The following ZFYVE26 variants were observed in gnomAD, a reference collection of about 807,000 sequenced individuals.
ZFYVE26 encodes the protein zinc finger FYVE-type containing 26, also known as zinc finger FYVE domain-containing protein 26.
Under a neutral mutation model 276.5 loss-of-function variants are expected in ZFYVE26, and 181 were observed. That is an observed-to-expected ratio of 0.65 (90% CI 0.58 to 0.74). The LOEUF (loss-of-function observed/expected upper bound fraction) is 0.74, where lower values mean the gene tolerates loss of function less well. Among genes scored for constraint, ZFYVE26 ranks in the 30% least tolerant of loss-of-function variants. The pLI, the probability that ZFYVE26 is intolerant of heterozygous loss-of-function variation, is 0.00. For missense variants in ZFYVE26, 2,821 were observed against 3,097.9 expected, an observed-to-expected ratio of 0.91 and a Z score of 2.12; for synonymous variants, 1,129 against 1,203.1, an observed-to-expected ratio of 0.94 and a Z score of 1.27.
intron 16 of ZFYVE26, 63 bp from the exon 17 acceptor site, chr14:67,786,296 ACACT>A (rs1250135054): frequency 8.2e-6 from 12 of 1,465,224 alleles, no homozygotes; most frequent in African/African-American, 5.8e-5. Context: ...TCAGAGATTG[ACACT>A]CAGTCCTGTA....
intron 13 of ZFYVE26, chr14:67,734,044 G>T: frequency 1.9e-6 from 1 of 514,040 alleles, no homozygotes; most frequent in Non-Finnish European, 3.7e-6. Flanking sequence ...CATGAGTTGT[G>T]GACACCTATA....
intron 4 of ZFYVE26, among the ~76,000 whole-genome samples, chr14:67,808,361 C>T (rs1011610403): frequency 6.6e-6 from 1 of 152,168 alleles, no homozygotes. Flanking sequence ...TGATCTAAAT[C>T]CCAGCCATGC....
chr14:67,777,906 A>G (rs940292501), intron 24 of ZFYVE26, among the ~76,000 whole-genome samples, 171 bp from the exon 25 acceptor site: 4 of 151,614 alleles, frequency 2.6e-5, no homozygotes, highest in African/African-American at 9.7e-5. Flanking sequence ...CATGGCTTTG[A>G]CAGGACCAGA....
intron 27 of ZFYVE26, 41 bp downstream of exon 27, chr14:67,774,975 A>G (rs1464656241): frequency 1.3e-6 from 2 of 1,491,356 alleles, no homozygotes; most frequent in Admixed American, 3.7e-5. Context: ...AGGCAAGACT[A>G]AACTGAAAAA....
chr14:67,789,193 C>G, intron 16 of ZFYVE26, 142 bp downstream of exon 16: 1 of 1,138,270 alleles, frequency 8.8e-7, no homozygotes, highest in Admixed American at 1.8e-5. Context: ...TTTATGCCAT[C>G]AGATTGTATG....
At chr14:67,788,071 T>A (rs1221685980) in intron 16 of ZFYVE26, among the ~76,000 whole-genome samples, 1 of 148,310 alleles carries the variant, frequency 6.7e-6, no homozygotes, top group Non-Finnish European at 1.5e-5. Flanking sequence ...GCAGAGGGTG[T>A]TTTTGTCACC....
intron 16 of ZFYVE26, among the ~76,000 whole-genome samples, chr14:67,788,485 T>C (rs954662845): frequency 9.9e-5 from 15 of 152,184 alleles, no homozygotes; most frequent in Non-Finnish European, 1.3e-4. Context: ...GCACAACTCA[T>C]TGCTGGAGAA....
Position 67,793,626 on chromosome 14 carries a change from G to A in ZFYVE26, c.2535C>T (p.Asn845=). 6.2e-7 allele frequency: 1 copy of A among 1,613,764 alleles called. No individual in the cohort carries two copies. The highest frequency in any genetic ancestry group is 8.5e-7 in the Non-Finnish European group (1 of 1,179,808). The change falls in exon 14 of 42, where the codon AAC becomes AAT. Residue 845 remains asparagine, a synonymous_variant. Coordinates refer to ENST00000347230, the MANE Select transcript of ZFYVE26 (RefSeq NM_015346.4). ...SLLASCILRG[N]FAEAHQVLFT... ...CCCTCACCTGATGGGCTTCTGCGAA[G>A]TTCCCGCGAAGGATGCAGGATGCCA...
At chr14:67,751,225 C>T in intron 40 of ZFYVE26, 129 bp from the exon 41 acceptor site, 1 of 993,106 alleles carries the variant, frequency 1.0e-6, no homozygotes, top group Non-Finnish European at 1.6e-6. Flanking sequence ...TTTTTTTTCT[C>T]AAAGACATGG....
chr14:67,761,582 T>C lies in ZFYVE26; in HGVS notation c.6372A>G (p.Gln2124=). 2 of 1,613,974 alleles carry C rather than the reference T, an allele frequency of 1.2e-6. No individual in the cohort carries two copies. Among genetic ancestry groups the C allele is most frequent in the Non-Finnish European group, 1.7e-6 (2 of 1,179,940 alleles). The stretch of plus-strand genomic sequence containing the variant: ...TCAGGGTGGCAAAGTAATCGTCATC[T>C]TGCTGACAGCACAGGGAGCGAGAGA... The part of the protein sequence containing the change: ...ESTVRPFVSL[Q]DDDYFATLRE... Residue 2124 remains glutamine, a splice_region_variant and synonymous_variant, in exon 35 of 42, where the codon CAA becomes CAG. Coordinates refer to ENST00000347230, the MANE Select transcript of ZFYVE26 (RefSeq NM_015346.4).
downstream of ZFYVE26, among the ~76,000 whole-genome samples, chr14:67,742,803 TCCC>T (rs2038429318): frequency 6.9e-6 from 1 of 144,470 alleles, no homozygotes; most frequent in African/African-American, 2.8e-5. Flanking sequence ...CCTTCCTTCT[TCCC>T]TTCCTTCCTT....
At position 67,783,107 on chromosome 14, in the gene ZFYVE26, C is replaced by A. The variant is rs1205452789; in HGVS notation, c.4045G>T (p.Ala1349Ser). Residue 1349 changes from alanine to serine, a missense_variant, in exon 21 of 42, where the codon GCA becomes TCA. By Grantham distance (99) the Ala-to-Ser change is moderately conservative (BLOSUM62 1). Transcript: ENST00000347230. ...TCACACTCCCGGGCTACCTGCTCTG[C>A]AGCCAGAGGCACCTCCCTGCGGCCA... ...LRGRREVPLA[A>S]EQVARECERL... is the part of the protein sequence containing the mutation. The A allele has an allele frequency of 1.9e-6, 3 of 1,610,958 alleles. No homozygotes were observed. The highest frequency in any genetic ancestry group is 2.5e-6 in the Non-Finnish European group (3 of 1,177,632).
chr14:67,797,380 A>G, intron 12 of ZFYVE26: 1 of 435,172 alleles, frequency 2.3e-6, no homozygotes. Flanking sequence ...AATTTATAGT[A>G]TAATACATCT....
chr14:67,785,854 A>T lies in ZFYVE26; in HGVS notation c.3304+4T>A. ...TATTTGTTCCCAAGCAGACAGCCTT[A>T]TACCTGGCAGCTCTAGTGCCTCTCT... On this transcript the variant is annotated splice_donor_region_variant and intron_variant, in intron 18 of 41. Transcript: ENST00000347230. 6.2e-7 allele frequency: 1 copy of T among 1,614,088 alleles called. No individual in the cohort carries two copies. Among genetic ancestry groups the T allele is most frequent in the Non-Finnish European group, 8.5e-7 (1 of 1,180,018 alleles).
At chr14:67,801,009 T>C (rs2040067028) in intron 10 of ZFYVE26, among the ~76,000 whole-genome samples, 1 of 151,928 alleles carries the variant, frequency 6.6e-6, no homozygotes, top group South Asian at 2.1e-4. Context: ...TCCCAGCACT[T>C]TGGGAGGCTG....
chr14:67,790,880 T>C (rs1422710396), intron 14 of ZFYVE26, 107 bp from the exon 15 acceptor site: 3 of 1,038,476 alleles, frequency 2.9e-6, no homozygotes, highest in Non-Finnish European at 4.5e-6. Context: ...TAAGATGTCT[T>C]TGTGCTTTGT....
At chr14:67,794,969 AC>A (rs1469089901) in intron 12 of ZFYVE26, among the ~76,000 whole-genome samples, 8 of 152,092 alleles carry the variant, frequency 5.3e-5, no homozygotes, top group Non-Finnish European at 7.4e-5. Flanking sequence ...AATGTAGGGA[AC>A]CAAAGTCTAA....
chr14:67,767,684 T>C lies in ZFYVE26; in HGVS notation c.5790+20A>G. 7 of 1,614,094 alleles carry C rather than the reference T, an allele frequency of 4.3e-6. No homozygotes were observed. The highest frequency in any genetic ancestry group is 5.9e-6 in the Non-Finnish European group (7 of 1,179,996). ...CATCATAAAGAAACTTAAGTGACCA[T>C]TGCATTTTATTGCTATTACCTGCTC... On this transcript the variant is annotated intron_variant, in intron 31 of 41. Transcript: ENST00000347230.
chr14:67,786,616 C>T (rs960184484), intron 16 of ZFYVE26, among the ~76,000 whole-genome samples: 1 of 152,238 alleles, frequency 6.6e-6, no homozygotes, highest in East Asian at 1.9e-4. Context: ...CTATGAACAA[C>T]TTTATGGACA....
Sources: gnomAD v4.1 joint callset for allele counts (sites outside exome capture counted in the v4.1 genomes callset) on GRCh38, gnomAD v4.1.1 for gene constraint, MANE v1.5 for transcripts, NCBI Gene and HGNC (gene_info 2026-07-23, HGNC 2026-07-21) for gene names.